The following SLC25A24 variants were observed in gnomAD, a reference collection of about 807,000 sequenced individuals.
SLC25A24 encodes mitochondrial adenyl nucleotide antiporter SLC25A24.
Under a neutral mutation model 60.7 loss-of-function variants are expected in SLC25A24, and 49 were observed. That is an observed-to-expected ratio of 0.81 (90% CI 0.64 to 1.02). SLC25A24 has a LOEUF of 1.02. SLC25A24 is among the 50% of genes least tolerant of loss of function. The pLI, the probability that SLC25A24 is intolerant of heterozygous loss-of-function variation, is 0.00. For missense variants in SLC25A24, 564 were observed against 586.3 expected (o/e 0.96, Z 0.39); for synonymous variants, 202 against 200.6 (o/e 1.01, Z -0.06).
intron 4 of SLC25A24, among the ~76,000 whole-genome samples, chr1:108,159,073 T>G (rs556365154): frequency 6.6e-6 from 1 of 152,238 alleles, no homozygotes; most frequent in South Asian, 2.1e-4. Context: ...TCCTAAGGGT[T>G]TCAGGAGCAG....
chr1:108,169,123 T>C (rs1647351597), intron 3 of SLC25A24, among the ~76,000 whole-genome samples: 1 of 152,180 alleles, frequency 6.6e-6, no homozygotes, highest in South Asian at 2.1e-4. Context: ...AAATCCAAAA[T>C]ATGGATGGGT....
chr1:108,148,540 G>A (rs1679669331), intron 6 of SLC25A24, among the ~76,000 whole-genome samples, 154 bp from the exon 7 acceptor site: 1 of 152,032 alleles, frequency 6.6e-6, no homozygotes. Flanking sequence ...CATGAGGATG[G>A]AGCCCTCATG....
intron 3 of SLC25A24, among the ~76,000 whole-genome samples, chr1:108,173,326 A>C (rs1002929505): frequency 1.3e-5 from 2 of 152,166 alleles, no homozygotes. Flanking sequence ...ATAGTGAGTG[A>C]GTTCTCACGA....
intron 2 of SLC25A24, 48 bp downstream of exon 2, chr1:108,185,780 G>T: frequency 6.9e-7 from 1 of 1,449,532 alleles, no homozygotes; most frequent in Non-Finnish European, 9.5e-7. Context: ...TTGAAAGCAT[G>T]ATAAATGCTT....
intron 7 of SLC25A24, among the ~76,000 whole-genome samples, chr1:108,145,733 T>C (rs1181914313): frequency 1.3e-5 from 2 of 152,222 alleles, no homozygotes; most frequent in African/African-American, 4.8e-5. Context: ...GTGTTATTTC[T>C]GAGGCCTCTG....
At chr1:108,186,065 A>G in intron 1 of SLC25A24, 111 bp from the exon 2 acceptor site, 3 of 742,060 alleles carry the variant, frequency 4.0e-6, no homozygotes, top group Non-Finnish European at 6.1e-6. Context: ...TATAGTACCT[A>G]TTTTTGGCCA....
rs1455967155 is a variant in SLC25A24, at chr1:108,135,394, C to T, written c.*1259G>A. 6.6e-6 allele frequency: 1 copy of T among 152,350 alleles called. No homozygotes were observed. Among genetic ancestry groups the T allele is most frequent in the Non-Finnish European group, 1.5e-5 (1 of 67,958 alleles). The allele number at this position is 152,350 out of a possible 1,614,324, so 9.4% of individuals were successfully genotyped here. ...ATTAGAAGTGAAATGAGTTTAAGAA[C>T]TAAATTAAAAACTGATAATAACTTC... On this transcript the variant is annotated 3_prime_UTR_variant, in exon 10 of 10. Transcript: ENST00000565488.
At position 108,200,160 on chromosome 1, in the gene SLC25A24, C is replaced by T. The variant is rs1435446464; in HGVS notation, c.-22G>A. 1 of 1,536,378 alleles carries T rather than the reference C, an allele frequency of 6.5e-7. No homozygotes were observed. The highest frequency in any genetic ancestry group is 8.7e-7 in the Non-Finnish European group (1 of 1,144,510). On this transcript the variant is annotated 5_prime_UTR_variant, in exon 1 of 10. Coordinates refer to ENST00000565488, the MANE Select transcript of SLC25A24 (RefSeq NM_013386.5). ...ACATGGTCCCAGAGGCGCAGGCGGCCTGGCCGAGGAAGTCACGGGAGATCG... is the reference window on the plus strand; with the variant it reads ...ACATGGTCCCAGAGGCGCAGGCGGCTTGGCCGAGGAAGTCACGGGAGATCG...
chr1:108,146,567 C>T (rs1408368517), intron 7 of SLC25A24, among the ~76,000 whole-genome samples: 1 of 152,100 alleles, frequency 6.6e-6, no homozygotes, highest in African/African-American at 2.4e-5. Context: ...ATAAACAGCT[C>T]TTATTATTTT....
chr1:108,144,988 TCC>T (rs1201413330), intron 7 of SLC25A24, among the ~76,000 whole-genome samples: 1 of 152,202 alleles, frequency 6.6e-6, no homozygotes, highest in Non-Finnish European at 1.5e-5. Flanking sequence ...TGGTTCTAGA[TCC>T]TTGAGGAATT....
At chr1:108,179,044 A>G (rs1286474375) in intron 3 of SLC25A24, among the ~76,000 whole-genome samples, 1 of 152,028 alleles carries the variant, frequency 6.6e-6, no homozygotes, top group Non-Finnish European at 1.5e-5. Context: ...ATGCCTACAT[A>G]AAAACAAAAA....
chr1:108,177,698 C>A (rs544569848), intron 3 of SLC25A24, among the ~76,000 whole-genome samples: 1 of 152,262 alleles, frequency 6.6e-6, no homozygotes, highest in South Asian at 2.1e-4. Flanking sequence ...AGGGTCAATT[C>A]AATAAGAGGA....
intron 3 of SLC25A24, among the ~76,000 whole-genome samples, chr1:108,164,969 T>C (rs1473638695): frequency 6.9e-6 from 1 of 144,030 alleles, no homozygotes; most frequent in Non-Finnish European, 1.5e-5. Context: ...TTTGAATGCG[T>C]CCCAGAGATT....
At chr1:108,185,403 T>C (rs1648085355) in intron 2 of SLC25A24, among the ~76,000 whole-genome samples, 1 of 152,176 alleles carries the variant, frequency 6.6e-6, no homozygotes, top group African/African-American at 2.4e-5. Flanking sequence ...AACTAACAGA[T>C]GCAAGATAAT....
At chr1:108,167,468 G>A (rs1351336540) in intron 3 of SLC25A24, among the ~76,000 whole-genome samples, 1 of 152,240 alleles carries the variant, frequency 6.6e-6, no homozygotes. Flanking sequence ...GACCCTCCGA[G>A]CCAGGTGCAG....
Position 108,200,023 on chromosome 1 carries a change from A to G in SLC25A24, c.116T>C (p.Val39Ala), listed in dbSNP as rs1571315285. The change falls in exon 1 of 10, where the codon GTG (valine) becomes GCG (alanine). Residue 39 changes from valine (V) to alanine (A), a missense_variant. Val to Ala is a moderately conservative substitution (Grantham distance 64). Transcript: ENST00000565488. ...CCCCTCCTGCAGCTCGCCGATGTCC[A>G]CCACTCCGTCCCCATTGCGGTCCAG... ...QALDRNGDGV[V>A]DIGELQEGLR... 14 of 1,610,718 alleles carry G rather than the reference A, an allele frequency of 8.7e-6. No homozygotes were observed. In the East Asian group the frequency reaches 3.1e-4, roughly 36 times the overall value.
At chr1:108,145,734 G>A (rs1679572406) in intron 7 of SLC25A24, among the ~76,000 whole-genome samples, 1 of 152,108 alleles carries the variant, frequency 6.6e-6, no homozygotes, top group Non-Finnish European at 1.5e-5. Flanking sequence ...TGTTATTTCT[G>A]AGGCCTCTGT....
intron 4 of SLC25A24, 138 bp from the exon 5 acceptor site, chr1:108,157,758 G>C: frequency 1.1e-6 from 1 of 875,466 alleles, no homozygotes; most frequent in Non-Finnish European, 1.7e-6. Flanking sequence ...ACCAATTTGA[G>C]TACATAGATT....
At chr1:108,145,241 C>T (rs560510372) in intron 7 of SLC25A24, among the ~76,000 whole-genome samples, 1 of 152,214 alleles carries the variant, frequency 6.6e-6, no homozygotes, top group South Asian at 2.1e-4. Flanking sequence ...TGTTCATATC[C>T]GTCACCCACT....
Sources: gnomAD v4.1 joint callset for allele counts (sites outside exome capture counted in the v4.1 genomes callset) on GRCh38, gnomAD v4.1.1 for gene constraint, MANE v1.5 for transcripts, NCBI Gene and HGNC (gene_info 2026-07-23, HGNC 2026-07-21) for gene names.